SRBD1: variants seen among roughly 807,000 people sequenced by gnomAD.
The protein encoded by SRBD1 is S1 RNA-binding domain-containing protein 1.
SRBD1 carries 88 observed loss-of-function variants against 115.3 expected under a neutral mutation model. The observed-to-expected ratio is 0.76, with a 90% CI of 0.64 to 0.91. SRBD1 has a LOEUF of 0.91. Ranked by LOEUF, SRBD1 falls within the 40% of genes least tolerant of loss-of-function variation. The pLI is 0.00. For synonymous variants in SRBD1, 509 were observed against 407.7 expected (o/e 1.25, Z -2.99); for missense variants, 1,385 against 1,177.4 (o/e 1.18, Z -2.58).
chr2:45,408,786 G>A (rs1299431931), intron 19 of SRBD1, among the ~76,000 whole-genome samples: 5 of 152,080 alleles, frequency 3.3e-5, no homozygotes, highest in Non-Finnish European at 7.4e-5. Context: ...TCAATCAGTT[G>A]ATGAAACATT....
intron 11 of SRBD1, among the ~76,000 whole-genome samples, chr2:45,553,003 G>A (rs1672351416): frequency 6.6e-6 from 1 of 152,176 alleles, no homozygotes; most frequent in South Asian, 2.1e-4. Flanking sequence ...TAATATTTTG[G>A]AAGGAATGAA....
At chr2:45,497,639 T>C (rs538443780) in intron 14 of SRBD1, among the ~76,000 whole-genome samples, 1 of 152,322 alleles carries the variant, frequency 6.6e-6, no homozygotes, top group East Asian at 1.9e-4. Flanking sequence ...AGGTATGATT[T>C]ACATTGCATA....
intron 5 of SRBD1, among the ~76,000 whole-genome samples, chr2:45,584,398 T>A (rs1353096726): frequency 6.6e-6 from 1 of 152,212 alleles, no homozygotes; most frequent in African/African-American, 2.4e-5. Context: ...ATTTTTACAT[T>A]GGCAAATTGA....
intron 10 of SRBD1, among the ~76,000 whole-genome samples, chr2:45,554,501 C>T (rs1224613925): frequency 6.6e-6 from 1 of 152,182 alleles, no homozygotes; most frequent in Non-Finnish European, 1.5e-5. Context: ...TTGCCTCTTG[C>T]CATTTCTGAG....
chr2:45,588,340 C>A (rs1249820277), intron 4 of SRBD1, among the ~76,000 whole-genome samples: 1 of 152,210 alleles, frequency 6.6e-6, no homozygotes, highest in South Asian at 2.1e-4. Flanking sequence ...CTCTCAGTTC[C>A]TAGAACAAGG....
At chr2:45,413,950 G>T (rs1221339174) in intron 18 of SRBD1, among the ~76,000 whole-genome samples, 1 of 151,724 alleles carries the variant, frequency 6.6e-6, no homozygotes, top group Non-Finnish European at 1.5e-5. Context: ...AGAAAGAAAA[G>T]AAAAGCAAAA....
chr2:45,409,510 A>G (rs1014788377), intron 19 of SRBD1, among the ~76,000 whole-genome samples: 10 of 102,452 alleles, frequency 9.8e-5, no homozygotes, highest in Non-Finnish European at 1.6e-4. Context: ...GGCCATTGCA[A>G]TAGGCAAAAA....
At chr2:45,454,764 C>A (rs1002165818) in intron 16 of SRBD1, among the ~76,000 whole-genome samples, 5 of 151,800 alleles carry the variant, frequency 3.3e-5, no homozygotes, top group African/African-American at 4.8e-5. Flanking sequence ...TCATGTGTCA[C>A]AATCATTCAG....
chr2:45,569,036 G>A (rs773876794), intron 9 of SRBD1, among the ~76,000 whole-genome samples: 6 of 152,126 alleles, frequency 3.9e-5, no homozygotes, highest in Non-Finnish European at 5.9e-5. Context: ...AAATGGGCAA[G>A]GGCCATGTTA....
At chr2:45,438,279 G>A (rs1668561433) in intron 16 of SRBD1, among the ~76,000 whole-genome samples, 1 of 152,100 alleles carries the variant, frequency 6.6e-6, no homozygotes, top group African/African-American at 2.4e-5. Context: ...ACTCTTTAAA[G>A]GAAGACAACA....
chr2:45,580,093 T>C (rs1572801613), intron 6 of SRBD1, 80 bp from the exon 7 acceptor site: 7 of 1,157,252 alleles, frequency 6.0e-6, no homozygotes, highest in Middle Eastern at 2.5e-4. Context: ...TTAGAGGACA[T>C]GCTGAGAATG....
chr2:45,600,283 C>G (rs1160694971), intron 3 of SRBD1, among the ~76,000 whole-genome samples: 1 of 150,110 alleles, frequency 6.7e-6, no homozygotes, highest in African/African-American at 2.5e-5. Context: ...TGACATCTTA[C>G]TATAGATTTG....
At chr2:45,550,370 T>C (rs2104049098) in intron 12 of SRBD1, among the ~76,000 whole-genome samples, 1 of 150,576 alleles carries the variant, frequency 6.6e-6, no homozygotes, top group East Asian at 2.0e-4. Flanking sequence ...AAGCACATCA[T>C]AAGAAAACTG....
At chr2:45,577,359 G>A (rs1673211841) in intron 7 of SRBD1, among the ~76,000 whole-genome samples, 1 of 152,212 alleles carries the variant, frequency 6.6e-6, no homozygotes. Flanking sequence ...AGTTAAATCA[G>A]GAGGAAATAT....
intron 16 of SRBD1, among the ~76,000 whole-genome samples, chr2:45,436,207 C>T (rs569948058): frequency 5.3e-4 from 81 of 152,108 alleles, no homozygotes; most frequent in African/African-American, 1.9e-3. Context: ...ATCTAACTAA[C>T]ACTCATTCAT....
At chr2:45,436,170 C>T (rs903708866) in intron 16 of SRBD1, among the ~76,000 whole-genome samples, 1 of 152,016 alleles carries the variant, frequency 6.6e-6, no homozygotes, top group African/African-American at 2.4e-5. Flanking sequence ...TCACATAGTC[C>T]TAGCTGCAGA....
At chr2:45,511,003 G>C (rs773069585) in intron 14 of SRBD1, among the ~76,000 whole-genome samples, 4 of 152,176 alleles carry the variant, frequency 2.6e-5, no homozygotes, top group African/African-American at 9.7e-5. Context: ...AAAAGCCAAG[G>C]TTAGAGATCC....
At chr2:45,579,849 T>C in intron 7 of SRBD1, 26 bp downstream of exon 7, 1 of 1,499,414 alleles carries the variant, frequency 6.7e-7, no homozygotes, top group Non-Finnish European at 8.9e-7. Flanking sequence ...AGAAACAAAG[T>C]TGATCTCTGT....
chr2:45,517,326 T>A (rs1428716126), intron 14 of SRBD1, among the ~76,000 whole-genome samples: 2 of 152,240 alleles, frequency 1.3e-5, no homozygotes, highest in African/African-American at 2.4e-5. Flanking sequence ...CACATTGCTT[T>A]GTAATATGTT....
Sources: allele counts gnomAD v4.1 joint callset (sites outside exome capture counted in the v4.1 genomes callset), GRCh38; gene constraint gnomAD v4.1.1; transcripts MANE v1.5; gene names NCBI Gene and HGNC (gene_info 2026-07-23, HGNC 2026-07-21).